The following FRYL variants were observed in gnomAD, a reference collection of about 807,000 sequenced individuals.
FRYL encodes the protein FRY like transcription coactivator.
In FRYL, 150 loss-of-function variants were observed where a neutral mutation model predicts 351.2. The observed-to-expected ratio is 0.43, with a 90% CI of 0.37 to 0.49. The LOEUF (loss-of-function observed/expected upper bound fraction) is 0.49. Ranked by LOEUF, FRYL falls within the 20% of genes least tolerant of loss-of-function variation. The pLI is 0.00. For missense variants in FRYL, 3,036 were observed against 3,619.3 expected (o/e 0.84, Z 4.13); for synonymous variants, 1,153 against 1,257.1 (o/e 0.92, Z 1.75).
intron 39 of FRYL, among the ~76,000 whole-genome samples, 154 bp from the exon 40 acceptor site, chr4:48,548,947 A>T (rs1732069599): frequency 6.6e-6 from 1 of 152,238 alleles, no homozygotes; most frequent in African/African-American, 2.4e-5. Flanking sequence ...CAGCTGAAGA[A>T]AACGTTAACC....
chr4:48,746,019 G>C (rs1772639779), intron 1 of FRYL, among the ~76,000 whole-genome samples: 1 of 152,122 alleles, frequency 6.6e-6, no homozygotes, highest in Admixed American at 6.5e-5. Flanking sequence ...TTTGAGTCCT[G>C]AATTAAGTAC....
intron 62 of FRYL, among the ~76,000 whole-genome samples, chr4:48,501,192 G>A (rs1719560369): frequency 6.6e-6 from 1 of 151,168 alleles, no homozygotes; most frequent in African/African-American, 2.4e-5. Flanking sequence ...TGCTTTGTTT[G>A]ACTATTTTGA....
intron 19 of FRYL, among the ~76,000 whole-genome samples, chr4:48,583,582 A>G (rs1313180244): frequency 1.3e-5 from 2 of 151,840 alleles, no homozygotes; most frequent in Non-Finnish European, 1.5e-5. Context: ...TTTAGGAGTA[A>G]TATTATAAAT....
chr4:48,777,027 C>G (rs570417703), intron 1 of FRYL, among the ~76,000 whole-genome samples: 1 of 152,110 alleles, frequency 6.6e-6, no homozygotes, highest in South Asian at 2.1e-4. Flanking sequence ...GATTTGCTGG[C>G]TCTGGGTCTA....
At chr4:48,607,860 G>A (rs1747201666) in intron 9 of FRYL, among the ~76,000 whole-genome samples, 1 of 152,144 alleles carries the variant, frequency 6.6e-6, no homozygotes, top group Non-Finnish European at 1.5e-5. Context: ...TAGCCATGAT[G>A]GAGTGTTCTC....
intron 27 of FRYL, among the ~76,000 whole-genome samples, chr4:48,569,322 T>C (rs1486721989): frequency 6.6e-6 from 1 of 152,234 alleles, no homozygotes; most frequent in Non-Finnish European, 1.5e-5. Flanking sequence ...TTTTTTTCTT[T>C]TGAGGCGGAG....
chr4:48,726,230 G>A (rs1162589122), intron 1 of FRYL, among the ~76,000 whole-genome samples: 3 of 152,156 alleles, frequency 2.0e-5, no homozygotes, highest in Non-Finnish European at 4.4e-5. Flanking sequence ...CAAGTAATCA[G>A]AAAAATAAAG....
Position 48,771,163 on chromosome 4 carries a change from G to C in FRYL, c.-384+8915C>G, listed in dbSNP as rs557861257. ...GGAAAAGGTGAAACAATGAAAAAAT[G>C]CATGACAAACTGTAACTAGTATTTA... On this transcript the variant is annotated intron_variant, in intron 1 of 63. Coordinates refer to ENST00000358350, the MANE Select transcript of FRYL (RefSeq NM_015030.2). Among the ~76,000 whole-genome samples, 10 of 152,260 alleles carry C rather than the reference G, an allele frequency of 6.6e-5. No homozygotes were observed. In the South Asian group the frequency reaches 2.1e-3, roughly 32 times the overall value.
At chr4:48,579,997 T>C (rs1740514557) in intron 22 of FRYL, among the ~76,000 whole-genome samples, 1 of 152,082 alleles carries the variant, frequency 6.6e-6, no homozygotes, top group African/African-American at 2.4e-5. Flanking sequence ...TGTACAATTG[T>C]ATCTATTTAA....
intron 44 of FRYL, among the ~76,000 whole-genome samples, chr4:48,543,408 C>T (rs575721151): frequency 7.2e-5 from 11 of 152,200 alleles, no homozygotes; most frequent in South Asian, 2.1e-4. Context: ...TTTATAACAG[C>T]GTTAATAAAG....
At chr4:48,655,660 ATATAATG>A (rs1758700674) in intron 3 of FRYL, among the ~76,000 whole-genome samples, 1 of 147,514 alleles carries the variant, frequency 6.8e-6, no homozygotes, top group Non-Finnish European at 1.5e-5. Flanking sequence ...TATACATTAT[ATATAATG>A]TATAATGTAT....
At chr4:48,535,199 CT>C (rs1220442701) in intron 48 of FRYL, among the ~76,000 whole-genome samples, 1 of 151,978 alleles carries the variant, frequency 6.6e-6, no homozygotes, top group Non-Finnish European at 1.5e-5. Flanking sequence ...CTTTTGTATG[CT>C]GTAATTATTA....
intron 55 of FRYL, among the ~76,000 whole-genome samples, chr4:48,519,507 T>TTA (rs1553917239): frequency 3.0e-4 from 44 of 147,952 alleles, no homozygotes; most frequent in South Asian, 6.4e-4. Flanking sequence ...TTTTTTTTTT[T>TTA]AATTTTTTAT....
chr4:48,768,752 T>C (rs1174135965), intron 1 of FRYL, among the ~76,000 whole-genome samples: 3 of 151,516 alleles, frequency 2.0e-5, no homozygotes, highest in African/African-American at 4.9e-5. Flanking sequence ...GAGTGCGCCA[T>C]TGCACTCCAG....
chr4:48,702,674 T>C (rs1212466299), intron 2 of FRYL, among the ~76,000 whole-genome samples: 1 of 142,546 alleles, frequency 7.0e-6, no homozygotes, highest in Non-Finnish European at 1.5e-5. Flanking sequence ...TGAAGCAGAA[T>C]GGTGTGAATC....
chr4:48,545,917 A>C (rs1731235544), intron 42 of FRYL, 150 bp downstream of exon 42: 1 of 685,976 alleles, frequency 1.5e-6, no homozygotes. Context: ...CTTTGATTGC[A>C]TCCTAATTTT....
intron 1 of FRYL, among the ~76,000 whole-genome samples, chr4:48,713,315 C>T (rs533447722): frequency 1.3e-5 from 2 of 152,260 alleles, no homozygotes; most frequent in South Asian, 4.2e-4. Flanking sequence ...AATTAAAAGA[C>T]ACTGACTGGC....
chr4:48,627,738 G>C (rs967938150), intron 4 of FRYL, among the ~76,000 whole-genome samples: 1 of 152,092 alleles, frequency 6.6e-6, no homozygotes, highest in Non-Finnish European at 1.5e-5. Context: ...GTGTAGTTGA[G>C]GATGCCCTAA....
At chr4:48,694,278 A>T (rs907521397) in intron 2 of FRYL, among the ~76,000 whole-genome samples, 3 of 152,190 alleles carry the variant, frequency 2.0e-5, no homozygotes, top group African/African-American at 4.8e-5. Flanking sequence ...AAATACATTT[A>T]AAAAAGTATT....
Sources: gnomAD v4.1 joint callset for allele counts (sites outside exome capture counted in the v4.1 genomes callset) on GRCh38, gnomAD v4.1.1 for gene constraint, MANE v1.5 for transcripts, NCBI Gene and HGNC (gene_info 2026-07-23, HGNC 2026-07-21) for gene names.